The following KLF12 variants were observed in gnomAD, a reference collection of about 807,000 sequenced individuals.
KLF12 encodes the protein KLF transcription factor 12.
KLF12 carries 9 observed loss-of-function variants against 37.8 expected under a neutral mutation model. That is an observed-to-expected ratio of 0.24 (90% CI 0.14 to 0.42). The LOEUF is 0.42. Among genes scored for constraint, KLF12 ranks in the 10% least tolerant of loss-of-function variants. KLF12 has a pLI of 1.00. For missense variants in KLF12, 411 were observed against 516.0 expected, an observed-to-expected ratio of 0.80 and a Z score of 1.97; for synonymous variants, 208 against 202.1, an observed-to-expected ratio of 1.03 and a Z score of -0.25.
At chr13:73,761,593 CTG>C (rs1879555526) in intron 6 of KLF12, among the ~76,000 whole-genome samples, 1 of 152,152 alleles carries the variant, frequency 6.6e-6, no homozygotes, top group African/African-American at 2.4e-5. Flanking sequence ...CTCTAAAAAA[CTG>C]TCTTTTTGTT....
At chr13:73,970,688 T>C (rs1394875933) in intron 2 of KLF12, among the ~76,000 whole-genome samples, 2 of 152,116 alleles carry the variant, frequency 1.3e-5, no homozygotes, top group African/African-American at 4.8e-5. Context: ...GGTACCAGAC[T>C]GTCGGACAAC....
chr13:74,033,043 G>T (rs1893153827), intron 1 of KLF12, among the ~76,000 whole-genome samples: 2 of 152,044 alleles, frequency 1.3e-5, no homozygotes, highest in South Asian at 4.1e-4. Context: ...AATTAAATAT[G>T]CTATTTCTTT....
At chr13:74,188,426 G>C in the KLF12 span, among the ~76,000 whole-genome samples, 1 of 152,110 alleles carries the variant, frequency 6.6e-6, no homozygotes, top group East Asian at 1.9e-4. Context: ...CGTCAAATTT[G>C]ATGATGGAAA....
At chr13:74,301,297 C>G in the KLF12 span, among the ~76,000 whole-genome samples, 3 of 152,130 alleles carry the variant, frequency 2.0e-5, no homozygotes, top group African/African-American at 4.8e-5. Context: ...TCCTAGTTCT[C>G]CTAATCACCA....
chr13:74,298,042 C>A, the KLF12 span, among the ~76,000 whole-genome samples: 5 of 152,132 alleles, frequency 3.3e-5, no homozygotes, highest in South Asian at 2.1e-4. Context: ...GGTCTACAAT[C>A]GCCTGTACGG....
chr13:74,154,579 A>G, the KLF12 span, among the ~76,000 whole-genome samples: 1 of 152,202 alleles, frequency 6.6e-6, no homozygotes, highest in Non-Finnish European at 1.5e-5. Flanking sequence ...GTCCTAGAGA[A>G]GAGGCTTCCC....
chr13:73,926,364 G>C (rs766132386), intron 3 of KLF12, among the ~76,000 whole-genome samples: 16 of 152,176 alleles, frequency 1.1e-4, no homozygotes, highest in Non-Finnish European at 2.2e-4. Flanking sequence ...TGAAAGTCCA[G>C]ATGATCGTTA....
At chr13:73,867,816 G>A (rs1458726337) in intron 3 of KLF12, among the ~76,000 whole-genome samples, 1 of 150,688 alleles carries the variant, frequency 6.6e-6, no homozygotes, top group Non-Finnish European at 1.5e-5. Flanking sequence ...GGTCAGGCTG[G>A]TCTTGAATTC....
At chr13:74,168,623 G>A in the KLF12 span, among the ~76,000 whole-genome samples, 1 of 152,206 alleles carries the variant, frequency 6.6e-6, no homozygotes, top group Non-Finnish European at 1.5e-5. Context: ...TGACTGCAGT[G>A]TGTGAGCCTT....
chr13:74,215,427 C>CTTTTTTT, the KLF12 span, among the ~76,000 whole-genome samples: 3 of 60,360 alleles, frequency 5.0e-5, no homozygotes, highest in East Asian at 4.9e-4. Flanking sequence ...CCTCTGGGTT[C>CTTTTTTT]TTTTTTTTTT....
the KLF12 span, among the ~76,000 whole-genome samples, chr13:74,181,712 C>CAAAAAAAAAAAA: frequency 9.4e-6 from 1 of 105,822 alleles, no homozygotes; most frequent in Non-Finnish European, 2.2e-5. Context: ...AAAAAAAAAA[C>CAAAAAAAAAAAA]AAAAAAAAAA....
At chr13:73,830,591 G>A (rs1275940996) in intron 4 of KLF12, among the ~76,000 whole-genome samples, 2 of 152,172 alleles carry the variant, frequency 1.3e-5, no homozygotes, top group African/African-American at 4.8e-5. Flanking sequence ...GAATTTTATT[G>A]AACTCATTAA....
At chr13:73,907,927 C>A (rs1349043090) in intron 3 of KLF12, among the ~76,000 whole-genome samples, 19 of 152,160 alleles carry the variant, frequency 1.2e-4, no homozygotes, top group Non-Finnish European at 4.4e-5. Flanking sequence ...GCCTCAGACA[C>A]AATGCCTTTT....
chr13:74,046,099 T>C (rs376954410), intron 1 of KLF12, among the ~76,000 whole-genome samples: 8 of 152,210 alleles, frequency 5.3e-5, no homozygotes, highest in Non-Finnish European at 7.3e-5. Context: ...TGTTTAGACG[T>C]TGTTTCACTT....
chr13:74,305,811 G>A, the KLF12 span, among the ~76,000 whole-genome samples: 2 of 151,954 alleles, frequency 1.3e-5, no homozygotes, highest in East Asian at 3.9e-4. Flanking sequence ...TAATAACAGA[G>A]GAAAATTGAC....
At chr13:73,945,267 G>T (rs562006931) in intron 2 of KLF12, among the ~76,000 whole-genome samples, 1 of 152,078 alleles carries the variant, frequency 6.6e-6, no homozygotes, top group Non-Finnish European at 1.5e-5. Flanking sequence ...TCAGGAGTTC[G>T]AGACCAGCCT....
rs573754498 is a variant in KLF12 at position 73,743,476 on chromosome 13, C to T, written c.869+21462G>A. On this transcript the variant is annotated intron_variant, in intron 6 of 7. Transcript: ENST00000377669. ...TATTGATCTGAGATCCTGAAAGCACCGTAGAATATGGCTTTGCCTTAAGAC... is the reference window on the plus strand; with the variant it reads ...TATTGATCTGAGATCCTGAAAGCACTGTAGAATATGGCTTTGCCTTAAGAC... Among the ~76,000 whole-genome samples the T allele has an allele frequency of 6.6e-5, 10 of 152,082 alleles. No homozygotes were observed. In the East Asian group the frequency reaches 7.7e-4, roughly 12 times the overall value.
At chr13:74,245,317 C>T in the KLF12 span, among the ~76,000 whole-genome samples, 559 of 151,296 alleles carry the variant, frequency 3.7e-3, 4 homozygotes, top group Middle Eastern at 0.031. Flanking sequence ...ATCTATCTAT[C>T]TATCTATCTA....
intron 1 of KLF12, among the ~76,000 whole-genome samples, chr13:74,086,824 T>G (rs1176317836): frequency 6.6e-6 from 1 of 152,196 alleles, no homozygotes; most frequent in Non-Finnish European, 1.5e-5. Context: ...ATATGTAGTA[T>G]GTCCTCTGTT....
Sources: allele counts gnomAD v4.1 joint callset (sites outside exome capture counted in the v4.1 genomes callset), GRCh38; gene constraint gnomAD v4.1.1; transcripts MANE v1.5; gene names NCBI Gene and HGNC (gene_info 2026-07-23, HGNC 2026-07-21).